Variants in CFAP96 observed in about 807,000 individuals in gnomAD.
CFAP96 encodes cilia and flagella associated protein 96.
chr4:185,443,322 A>ATG, the CFAP96 span, among the ~76,000 whole-genome samples: 292 of 40,560 alleles, frequency 7.2e-3, no homozygotes, highest in Non-Finnish European at 0.012. Flanking sequence ...TTTTTTATGT[A>ATG]TATATATATA....
chr4:185,424,821 T>G, the CFAP96 span, among the ~76,000 whole-genome samples: 1 of 152,212 alleles, frequency 6.6e-6, no homozygotes, highest in Non-Finnish European at 1.5e-5. Flanking sequence ...TTCTCTTCTG[T>G]AAAACTGGAA....
At chr4:185,447,127 T>C in the CFAP96 span, among the ~76,000 whole-genome samples, 1 of 152,226 alleles carries the variant, frequency 6.6e-6, no homozygotes, top group African/African-American at 2.4e-5. Context: ...TCCATATATG[T>C]TATACCTTGT....
At chr4:185,413,247 G>A in the CFAP96 span, among the ~76,000 whole-genome samples, 1 of 152,164 alleles carries the variant, frequency 6.6e-6, no homozygotes, top group South Asian at 2.1e-4. Flanking sequence ...AATTAGCCAG[G>A]TGTGGTGGCA....
the CFAP96 span, chr4:185,449,522 T>TAAAAA: frequency 1.2e-6 from 1 of 827,070 alleles, no homozygotes; most frequent in Non-Finnish European, 1.8e-6. Context: ...GACCCGGTCT[T>TAAAAA]AAAAAAAAAA....
the CFAP96 span, among the ~76,000 whole-genome samples, chr4:185,409,007 T>G: frequency 6.6e-6 from 1 of 152,194 alleles, no homozygotes; most frequent in Non-Finnish European, 1.5e-5. Context: ...ATCTGCCTAC[T>G]TACACTAATA....
At chr4:185,440,391 A>T in the CFAP96 span, 1 of 550,782 alleles carries the variant, frequency 1.8e-6, no homozygotes, top group Non-Finnish European at 3.2e-6. Flanking sequence ...TCATAAAAAT[A>T]GAACATAGTA....
the CFAP96 span, among the ~76,000 whole-genome samples, chr4:185,435,560 A>G: frequency 6.6e-6 from 1 of 152,238 alleles, no homozygotes; most frequent in Admixed American, 6.5e-5. Flanking sequence ...ATGGAAGAAA[A>G]GAAAATATTT....
the CFAP96 span, chr4:185,440,568 T>C: frequency 2.6e-6 from 4 of 1,533,356 alleles, no homozygotes; most frequent in Non-Finnish European, 2.6e-6. Flanking sequence ...CATCGTTTAC[T>C]TAAAGGAGCA....
chr4:185,412,050 A>G, the CFAP96 span, among the ~76,000 whole-genome samples: 14 of 152,200 alleles, frequency 9.2e-5, no homozygotes, highest in African/African-American at 2.9e-4. Context: ...GTGGGTAGGG[A>G]AAGAGCACAG....
chr4:185,448,890 G>T, the CFAP96 span, among the ~76,000 whole-genome samples: 1 of 152,164 alleles, frequency 6.6e-6, no homozygotes, highest in East Asian at 1.9e-4. Flanking sequence ...AGAAAGAGAA[G>T]AATAAGTGAT....
the CFAP96 span, chr4:185,426,239 T>G: frequency 3.0e-5 from 8 of 263,942 alleles, no homozygotes; most frequent in South Asian, 4.4e-4. Flanking sequence ...AAACGCCAGC[T>G]GTGGTGGAAC....
chr4:185,418,368 C>G, the CFAP96 span: 1 of 1,167,740 alleles, frequency 8.6e-7, no homozygotes, highest in Non-Finnish European at 1.2e-6. Context: ...TAAATTATTT[C>G]TAAGATTGCA....
At chr4:185,418,349 T>TA in the CFAP96 span, 2 of 978,008 alleles carry the variant, frequency 2.0e-6, no homozygotes, top group Non-Finnish European at 1.5e-6. Flanking sequence ...TGACCTATGA[T>TA]AAGAGGGTTA....
the CFAP96 span, among the ~76,000 whole-genome samples, chr4:185,436,779 A>G: frequency 2.0e-5 from 3 of 151,036 alleles, no homozygotes; most frequent in Non-Finnish European, 4.4e-5. Context: ...TGTTCTATCT[A>G]TTTGTATCAC....
the CFAP96 span, among the ~76,000 whole-genome samples, chr4:185,427,254 A>G: frequency 1.3e-5 from 2 of 152,158 alleles, no homozygotes; most frequent in Non-Finnish European, 2.9e-5. Flanking sequence ...AAGGTAAATG[A>G]AAGTACTAAA....
chr4:185,409,749 C>T, the CFAP96 span, among the ~76,000 whole-genome samples: 5 of 152,120 alleles, frequency 3.3e-5, no homozygotes, highest in African/African-American at 1.2e-4. Flanking sequence ...GATTAAGGAT[C>T]TTAAGATGGG....
At chr4:185,423,946 C>T in the CFAP96 span, among the ~76,000 whole-genome samples, 52 of 152,102 alleles carry the variant, frequency 3.4e-4, no homozygotes, top group African/African-American at 8.9e-4. Flanking sequence ...AACCATAGTA[C>T]ACACTAAGAC....
At chr4:185,435,941 A>AT in the CFAP96 span, 3 of 872,006 alleles carry the variant, frequency 3.4e-6, no homozygotes, top group East Asian at 2.9e-5. Context: ...TAAAACTAGC[A>AT]TTTTTTTCTC....
At chr4:185,446,079 G>A in the CFAP96 span, among the ~76,000 whole-genome samples, 1 of 152,122 alleles carries the variant, frequency 6.6e-6, no homozygotes, top group African/African-American at 2.4e-5. Flanking sequence ...GACCTCAGGT[G>A]ATCCACCCAC....
Sources: gnomAD v4.1 joint callset for allele counts (sites outside exome capture counted in the v4.1 genomes callset) on GRCh38, gnomAD v4.1.1 for gene constraint, MANE v1.5 for transcripts, NCBI Gene and HGNC (gene_info 2026-07-23, HGNC 2026-07-21) for gene names.